Variants in HPRT1 observed in about 807,000 individuals in gnomAD.
HPRT1 encodes the protein hypoxanthine-guanine phosphoribosyltransferase.
Under a neutral mutation model 19.0 loss-of-function variants are expected in HPRT1, and 4 were observed. The observed-to-expected ratio is 0.21, with a 90% confidence interval of 0.10 to 0.48. HPRT1 has a LOEUF of 0.48. Ranked by LOEUF, HPRT1 falls within the 20% of genes least tolerant of loss-of-function variation. The pLI is 0.98. For synonymous variants in HPRT1, 53 were observed against 54.9 expected (o/e 0.97, Z 0.15); for missense variants, 65 against 164.0 (o/e 0.40, Z 3.30).
intron 1 of HPRT1, among the ~76,000 whole-genome samples, chrX:134,462,374 G>A (rs1419892051): frequency 1.8e-5 from 2 of 110,410 alleles, no homozygotes; most frequent in East Asian, 5.7e-4. Context: ...TAGAGACGAG[G>A]TTTCACCATG....
intron 1 of HPRT1, among the ~76,000 whole-genome samples, chrX:134,467,532 AT>A (rs1164633295): frequency 8.9e-6 from 1 of 111,865 alleles, no homozygotes; most frequent in Non-Finnish European, 1.9e-5. Context: ...ACTAATCCAT[AT>A]TAGATGGGGT....
intron 1 of HPRT1, among the ~76,000 whole-genome samples, chrX:134,472,709 G>T (rs1052724423): frequency 5.5e-5 from 6 of 110,032 alleles, no homozygotes; most frequent in Admixed American, 2.9e-4. Flanking sequence ...TGGGATTACA[G>T]GCTCCTGCCA....
intron 1 of HPRT1, among the ~76,000 whole-genome samples, chrX:134,470,777 G>A (rs1256935505): frequency 9.1e-6 from 1 of 110,089 alleles, no homozygotes; most frequent in Non-Finnish European, 1.9e-5. Context: ...ATATTAAAGT[G>A]TAGAAAGTGA....
intron 1 of HPRT1, among the ~76,000 whole-genome samples, chrX:134,471,409 A>T (rs2077610183): frequency 9.0e-6 from 1 of 111,458 alleles, no homozygotes; most frequent in African/African-American, 3.3e-5. Context: ...AATATTTTGT[A>T]TGCCAGGGGC....
chrX:134,476,559 A>G (rs772906798), intron 3 of HPRT1, among the ~76,000 whole-genome samples: 1 of 111,870 alleles, frequency 8.9e-6, no homozygotes, highest in African/African-American at 3.2e-5. Context: ...CCTTTAATAC[A>G]TTGCTGCTTA....
chrX:134,462,555 C>T (rs1266814406), intron 1 of HPRT1, among the ~76,000 whole-genome samples: 1 of 111,210 alleles, frequency 9.0e-6, no homozygotes, highest in Middle Eastern at 4.6e-3. Flanking sequence ...TGAGCTCAAG[C>T]GATCTGCCCG....
At position 134,486,549 on chromosome X, in the gene HPRT1, A is replaced by G. The variant is rs183698879; in HGVS notation, c.384+19A>G. 3.4e-4 allele frequency: 340 copies of G among 993,525 alleles called. No individual in the cohort carries two copies. The African/African-American group carries it at 5.8e-3, about 17-fold the overall frequency. The allele number at this position is 993,525 out of a possible 1,213,427, so 81.9% of individuals were successfully genotyped here. ...TGGAAAGGTATGTATCTTGAAAGGG[A>G]AGAAAAAAAAGCACTTCATACCGAG... On this transcript the variant is annotated intron_variant, in intron 4 of 8. Transcript: ENST00000298556.
intron 5 of HPRT1, chrX:134,492,465 C>T (rs1267745903): frequency 3.1e-6 from 1 of 326,023 alleles, no homozygotes; most frequent in Non-Finnish European, 5.9e-6. Flanking sequence ...AGGGGCTCAT[C>T]AAGCTGAATC....
At chrX:134,470,010 A>G (rs962443173) in intron 1 of HPRT1, among the ~76,000 whole-genome samples, 1 of 112,909 alleles carries the variant, frequency 8.9e-6, no homozygotes, top group Non-Finnish European at 1.9e-5. Flanking sequence ...TTCTTTCTAT[A>G]GTAAATATGT....
At chrX:134,487,912 T>G (rs2124299013) in intron 4 of HPRT1, among the ~76,000 whole-genome samples, 1 of 111,652 alleles carries the variant, frequency 9.0e-6, no homozygotes, top group Admixed American at 9.6e-5. Flanking sequence ...ACCTAGCCTT[T>G]TAGGCCTTCT....
intron 4 of HPRT1, among the ~76,000 whole-genome samples, chrX:134,488,417 G>A (rs748616949): frequency 3.6e-5 from 4 of 111,146 alleles, no homozygotes; most frequent in South Asian, 7.6e-4. Context: ...GATTACGGGT[G>A]TGAGCCACCC....
intron 1 of HPRT1, among the ~76,000 whole-genome samples, chrX:134,471,721 A>G (rs765604544): frequency 9.4e-5 from 10 of 106,692 alleles, no homozygotes; most frequent in Non-Finnish European, 1.8e-4. Flanking sequence ...GCTCACTGCA[A>G]CCTCCACCTC....
chrX:134,497,945 T>TA (rs746184635), intron 6 of HPRT1, among the ~76,000 whole-genome samples: 1,244 of 95,744 alleles, frequency 0.013, 15 homozygotes, highest in African/African-American at 0.039. Context: ...AGATTCCGTC[T>TA]AAAAAAAAAA....
At chrX:134,496,163 T>A (rs966170826) in intron 6 of HPRT1, among the ~76,000 whole-genome samples, 2 of 111,962 alleles carry the variant, frequency 1.8e-5, no homozygotes, top group Non-Finnish European at 3.8e-5. Flanking sequence ...TGCCCGACTA[T>A]TTAACAAGGT....
At chrX:134,479,913 T>C (rs2077634886) in intron 3 of HPRT1, among the ~76,000 whole-genome samples, 1 of 111,066 alleles carries the variant, frequency 9.0e-6, no homozygotes, top group African/African-American at 3.3e-5. Context: ...GTCTAGTGAT[T>C]TTTTTATTTT....
chrX:134,495,867 C>T (rs17885116), intron 6 of HPRT1, among the ~76,000 whole-genome samples: 2,753 of 112,253 alleles, frequency 0.025, 89 homozygotes, highest in African/African-American at 0.084. Context: ...TGGACTCATG[C>T]AATATCCTGT....
chrX:134,477,252 G>A (rs1473772202), intron 3 of HPRT1, among the ~76,000 whole-genome samples: 1 of 106,874 alleles, frequency 9.4e-6, no homozygotes, highest in Non-Finnish European at 1.9e-5. Context: ...GTAGAGATGG[G>A]GTTTCACCTT....
At chrX:134,479,110 G>A (rs1438163442) in intron 3 of HPRT1, among the ~76,000 whole-genome samples, 5 of 111,984 alleles carry the variant, frequency 4.5e-5, no homozygotes, top group Non-Finnish European at 7.5e-5. Flanking sequence ...ACTTTGGGAA[G>A]TCAAGACGGG....
intron 6 of HPRT1, among the ~76,000 whole-genome samples, chrX:134,498,061 G>T (rs1460553177): frequency 8.9e-6 from 1 of 111,827 alleles, no homozygotes; most frequent in Non-Finnish European, 1.9e-5. Flanking sequence ...TTTCATCTTT[G>T]CTCATTGACA....
Sources: allele counts gnomAD v4.1 joint callset (sites outside exome capture counted in the v4.1 genomes callset), GRCh38; gene constraint gnomAD v4.1.1; transcripts MANE v1.5; gene names NCBI Gene and HGNC (gene_info 2026-07-23, HGNC 2026-07-21).